The following KIF1B variants were observed in gnomAD, a reference collection of about 807,000 sequenced individuals.
KIF1B encodes the protein kinesin family member 1B, also known as kinesin-like protein KIF1B.
KIF1B carries 76 observed loss-of-function variants against 241.9 expected under a neutral mutation model. The ratio of observed to expected loss-of-function variants is 0.31; its 90% CI spans 0.26 to 0.38. The LOEUF (loss-of-function observed/expected upper bound fraction) is 0.38, where lower values mean the gene tolerates loss of function less well. Ranked by LOEUF, KIF1B falls within the 10% of genes least tolerant of loss-of-function variation. KIF1B has a pLI of 1.00. For missense variants in KIF1B, 1,622 were observed against 2,271.4 expected (o/e 0.71, Z 5.81); for synonymous variants, 750 against 796.7 (o/e 0.94, Z 0.99).
rs1332320606 is a variant in KIF1B at position 10,303,653 on chromosome 1, T to C, written c.2115+6407T>C. 1.2e-6 allele frequency: 2 copies of C among 1,614,160 alleles called. No individual in the cohort carries two copies. The highest frequency in any genetic ancestry group is 1.7e-5 in the Admixed American group (1 of 60,020). On this transcript the variant is annotated intron_variant, in intron 22 of 48. Transcript: ENST00000676179. The surrounding 1 kb of genome is among the most constrained non-coding windows in gnomAD (Gnocchi z 5.2). ...GATGTAGATGACCTCAAGGTTCATA[T>C]AGACAAGCTGGAAGATATTTTGCAA...
chr1:10,281,650 G>A (rs1649410764), intron 14 of KIF1B, among the ~76,000 whole-genome samples: 1 of 152,152 alleles, frequency 6.6e-6, no homozygotes, highest in Admixed American at 6.5e-5. Flanking sequence ...GTTCTTCCCT[G>A]TTGAGGCAAT....
rs539035197 is a variant in KIF1B at position 10,308,058 on chromosome 1, T to TA, written c.2115+10813dup. On this transcript the variant is annotated intron_variant, in intron 22 of 48. Coordinates refer to ENST00000676179, the MANE Select transcript of KIF1B (RefSeq NM_001365951.3). ...AACAAAACACTGAATTTTTCACACCTATGTCTGCATTAAAGGCTGTTTTAC... is the reference window on the plus strand; with the variant it reads ...AACAAAACACTGAATTTTTCACACCTAATGTCTGCATTAAAGGCTGTTTTAC... The TA allele has an allele frequency of 3.2e-3, 3,422 of 1,059,062 alleles. 6 individuals carry two copies. The highest frequency in any genetic ancestry group is 3.7e-3 in the Non-Finnish European group (3,233 of 875,386). The allele number at this position is 1,059,062 out of a possible 1,614,324, so 65.6% of individuals were successfully genotyped here. A position where few individuals can be genotyped will look rare whatever the true frequency, so the allele number is the denominator to read the frequency against.
intron 2 of KIF1B, among the ~76,000 whole-genome samples, chr1:10,233,532 A>C (rs1324999795): frequency 6.6e-6 from 1 of 152,112 alleles, no homozygotes; most frequent in Admixed American, 6.6e-5. Flanking sequence ...AAAATTTAAA[A>C]GTAGAAGGCT....
rs1648123675 is a variant in KIF1B, at chr1:10,261,221, C to T, written c.364-684C>T. On this transcript the variant is annotated intron_variant, in intron 4 of 48. Transcript: ENST00000676179. ...GCCTCAAGTGATCTGCCTGCCTTGGCCTCCCAAAGTGCTGAGATTTACAGG... is the reference window on the plus strand; with the variant it reads ...GCCTCAAGTGATCTGCCTGCCTTGGTCTCCCAAAGTGCTGAGATTTACAGG... Among the ~76,000 whole-genome samples, 5 of 151,832 alleles carry T rather than the reference C, an allele frequency of 3.3e-5. No individual in the cohort carries two copies. The South Asian group carries it at 1.0e-3, about 32-fold the overall frequency.
chr1:10,226,436 A>G (rs996684755), intron 1 of KIF1B, among the ~76,000 whole-genome samples: 1 of 152,208 alleles, frequency 6.6e-6, no homozygotes, highest in African/African-American at 2.4e-5. Context: ...ATAGTACTTT[A>G]TATCTAAAGC....
intron 7 of KIF1B, among the ~76,000 whole-genome samples, chr1:10,268,743 T>C (rs1569640342): frequency 6.6e-6 from 1 of 152,212 alleles, no homozygotes; most frequent in South Asian, 2.1e-4. Flanking sequence ...TTCAAATACC[T>C]TTCTTTGCTT....
intron 22 of KIF1B, chr1:10,306,300 T>C: frequency 9.6e-7 from 1 of 1,046,848 alleles, no homozygotes; most frequent in Non-Finnish European, 1.2e-6. Context: ...GATGACAATC[T>C]CCTGTGCCAT....
intron 1 of KIF1B, among the ~76,000 whole-genome samples, chr1:10,223,546 GTTTTTTTT>G (rs113574017): frequency 1.5e-5 from 2 of 131,250 alleles, no homozygotes; most frequent in African/African-American, 3.0e-5. Flanking sequence ...GTTTTGTTTT[GTTTTTTTT>G]TTTTTTTTTT....
chr1:10,212,747 G>A (rs1044969086), intron 1 of KIF1B, among the ~76,000 whole-genome samples: 1 of 151,658 alleles, frequency 6.6e-6, no homozygotes, highest in Non-Finnish European at 1.5e-5. Context: ...ATAAATACCT[G>A]GGCATGGTGG....
intron 24 of KIF1B, 71 bp from the exon 25 acceptor site, chr1:10,323,813 G>A: frequency 7.9e-7 from 1 of 1,263,444 alleles, no homozygotes. Flanking sequence ...CATTGGGTAT[G>A]ATTGTATCGT....
At chr1:10,248,731 C>G (rs562135150) in intron 2 of KIF1B, among the ~76,000 whole-genome samples, 2 of 151,524 alleles carry the variant, frequency 1.3e-5, no homozygotes, top group Non-Finnish European at 2.9e-5. Context: ...GGTGGTTGAA[C>G]CAGGGTGGTC....
chr1:10,374,246 G>A lies in KIF1B; in HGVS notation c.4947-70G>A. On this transcript the variant is annotated intron_variant, in intron 45 of 48. Transcript: ENST00000676179. This position sits in a 1 kb window ranked among gnomAD's most constrained non-coding sequence, Gnocchi z 4.3. The stretch of plus-strand genomic sequence containing the variant: ...CCATTGTGTTCCTCCCAGTGAAACA[G>A]TACTCAGTATGCCTTGATTGTAACT... The A allele has an allele frequency of 6.6e-7, 1 of 1,509,088 alleles. No homozygotes were observed. Among genetic ancestry groups the A allele is most frequent in the South Asian group, 1.1e-5 (1 of 88,880 alleles). The allele number at this position is 1,509,088 out of a possible 1,614,324, so 93.5% of individuals were successfully genotyped here. A position where few individuals can be genotyped will look rare whatever the true frequency, so the allele number is the denominator to read the frequency against.
intron 22 of KIF1B, chr1:10,304,343 C>A (rs1650710731): frequency 8.1e-6 from 13 of 1,614,092 alleles, no homozygotes; most frequent in Non-Finnish European, 1.1e-5. Flanking sequence ...AGAAGCAATT[C>A]TCTCAATAAT....
chr1:10,352,048 G>T (rs1457276336), intron 37 of KIF1B, among the ~76,000 whole-genome samples: 1 of 147,710 alleles, frequency 6.8e-6, no homozygotes, highest in Non-Finnish European at 1.5e-5. Context: ...GAGTGGAATG[G>T]ATTGGAACGG....
intron 2 of KIF1B, among the ~76,000 whole-genome samples, chr1:10,255,448 G>A (rs1051036178): frequency 2.0e-5 from 3 of 152,044 alleles, no homozygotes; most frequent in African/African-American, 7.2e-5. Context: ...AAATTAGCCA[G>A]TTGTAGTGGT....
chr1:10,339,168 A>C (rs1469802701), intron 31 of KIF1B, among the ~76,000 whole-genome samples: 1 of 152,176 alleles, frequency 6.6e-6, no homozygotes. Flanking sequence ...AAATCTTTCC[A>C]GAGTATCTTC....
intron 35 of KIF1B, among the ~76,000 whole-genome samples, chr1:10,347,089 A>T (rs1652616273): frequency 6.6e-6 from 1 of 152,246 alleles, no homozygotes; most frequent in Admixed American, 6.5e-5. Context: ...TGTTGTGTAT[A>T]ATCATCTCTA....
intron 22 of KIF1B, among the ~76,000 whole-genome samples, chr1:10,308,888 A>G (rs1487331613): frequency 6.6e-6 from 1 of 152,150 alleles, no homozygotes; most frequent in Non-Finnish European, 1.5e-5. Flanking sequence ...TTACTTTCTG[A>G]TTTGAGTTTA....
intron 27 of KIF1B, among the ~76,000 whole-genome samples, chr1:10,330,022 T>G (rs888357992): frequency 6.6e-6 from 1 of 152,224 alleles, no homozygotes; most frequent in African/African-American, 2.4e-5. Flanking sequence ...ATTTTGCTAA[T>G]TTTTCTTATC....
Sources: allele counts gnomAD v4.1 joint callset (sites outside exome capture counted in the v4.1 genomes callset), GRCh38; gene constraint gnomAD v4.1.1; non-coding constraint Gnocchi (gnomAD v3.1); transcripts MANE v1.5; gene names NCBI Gene and HGNC (gene_info 2026-07-23, HGNC 2026-07-21).